Variants in SOS2 observed in about 807,000 individuals in gnomAD.
SOS2 encodes the protein SOS Ras/Rho guanine nucleotide exchange factor 2.
SOS2 carries 65 observed loss-of-function variants against 148.2 expected under a neutral mutation model. The observed-to-expected ratio is 0.44, with a 90% CI of 0.36 to 0.54. The LOEUF is 0.54. Ranked by LOEUF, SOS2 falls within the 20% of genes least tolerant of loss-of-function variation. The pLI is 0.00. For synonymous variants in SOS2, 539 were observed against 537.1 expected (o/e 1.00, Z -0.05); for missense variants, 1,341 against 1,590.2 (o/e 0.84, Z 2.67).
At chr14:50,219,253 T>C (rs1044374611) in intron 1 of SOS2, among the ~76,000 whole-genome samples, 1 of 152,204 alleles carries the variant, frequency 6.6e-6, no homozygotes, top group African/African-American at 2.4e-5. Context: ...TTTATTTGAA[T>C]AGCCAAGATC....
At chr14:50,212,010 A>G (rs1201487161) in intron 1 of SOS2, among the ~76,000 whole-genome samples, 1 of 152,224 alleles carries the variant, frequency 6.6e-6, no homozygotes, top group Non-Finnish European at 1.5e-5. Context: ...TAAAATGTGG[A>G]TGCACCCTGA....
intron 7 of SOS2, among the ~76,000 whole-genome samples, chr14:50,178,647 AGTGTGTGTGT>A (rs1291991897): frequency 2.2e-5 from 2 of 89,218 alleles, no homozygotes; most frequent in Non-Finnish European, 4.3e-5. Flanking sequence ...CATGCCCGCT[AGTGTGTGTGT>A]GTGTGTGTGT....
intron 1 of SOS2, among the ~76,000 whole-genome samples, chr14:50,227,590 T>G (rs1393907178): frequency 2.0e-5 from 3 of 151,978 alleles, no homozygotes; most frequent in East Asian, 1.9e-4. Context: ...ATTTTTTGGG[T>G]TTTTTTCTGT....
At position 50,126,973 on chromosome 14, in the gene SOS2, G is replaced by A. The variant is rs375942929; in HGVS notation, c.3379+2988C>T. The stretch of plus-strand genomic sequence containing the variant: ...GAAGCTGTAGATTATTAAGAATAAA[G>A]AGAATGCCTTAAAAGTTTCTTCAAC... On this transcript the variant is annotated intron_variant, in intron 21 of 22. Coordinates refer to ENST00000216373, the MANE Select transcript of SOS2 (RefSeq NM_006939.4). 1.3e-4 allele frequency among the ~76,000 whole-genome samples: 20 copies of A among 151,762 alleles called. No homozygotes were observed. The South Asian group carries it at 4.0e-3, about 30-fold the overall frequency.
chr14:50,200,802 A>T, intron 3 of SOS2, 151 bp downstream of exon 3: 1 of 593,444 alleles, frequency 1.7e-6, no homozygotes, highest in Non-Finnish European at 2.9e-6. Context: ...ATACATATTA[A>T]TATATGCGAT....
intron 8 of SOS2, among the ~76,000 whole-genome samples, chr14:50,173,549 G>A (rs1052762533): frequency 6.6e-6 from 1 of 152,088 alleles, no homozygotes; most frequent in Non-Finnish European, 1.5e-5. Context: ...AGCCTCCCAA[G>A]TAGCTGGGAC....
At chr14:50,193,001 T>G (rs537257333) in intron 4 of SOS2, among the ~76,000 whole-genome samples, 4 of 152,156 alleles carry the variant, frequency 2.6e-5, no homozygotes, top group Non-Finnish European at 5.9e-5. Flanking sequence ...TCTCACCTTT[T>G]TTTTGGTTTT....
intron 21 of SOS2, among the ~76,000 whole-genome samples, chr14:50,122,160 G>A (rs187772597): frequency 2.0e-5 from 3 of 152,220 alleles, no homozygotes; most frequent in Non-Finnish European, 4.4e-5. Flanking sequence ...TCAGACCAGT[G>A]AAATTTAAAA....
rs112000335 is a variant in SOS2, at chr14:50,224,293, G to GAAAAA, written c.87+6899_87+6903dup. 4.4e-3 allele frequency among the ~76,000 whole-genome samples: 384 copies of GAAAAA among 87,050 alleles called. 16 individuals are homozygous for GAAAAA. The highest frequency in any genetic ancestry group is 0.015 in the African/African-American group (224 of 15,058). The allele number at this position is 87,050 out of a possible 152,430, so 57.1% of individuals were successfully genotyped here. On this transcript the variant is annotated intron_variant, in intron 1 of 22. Transcript: ENST00000216373. ...GTGACAGAGCAAGACTCCGTCTCAG[G>GAAAAA]AAAAAAAAAAAATATATATATACAC...
chr14:50,197,181 T>A lies in SOS2; in HGVS notation c.510+2510A>T, dbSNP rs1271443119. Reference sequence around the variant, plus strand: ...AACATCTAAATAATGAAGTAACAGATTATGACCCATTGAATAAAATAACAA... The same window carrying A: ...AACATCTAAATAATGAAGTAACAGAATATGACCCATTGAATAAAATAACAA... On this transcript the variant is annotated intron_variant, in intron 4 of 22. Transcript: ENST00000216373. Among the ~76,000 whole-genome samples the A allele has an allele frequency of 3.3e-5, 5 of 152,142 alleles. No homozygotes were observed. In the South Asian group the frequency reaches 1.0e-3, roughly 31 times the overall value.
intron 1 of SOS2, among the ~76,000 whole-genome samples, chr14:50,224,883 C>A (rs565152971): frequency 1.3e-3 from 125 of 96,656 alleles, no homozygotes; most frequent in Admixed American, 1.7e-3. Context: ...AAAACCCTGT[C>A]AAAAAAAAAA....
chr14:50,182,389 C>T (rs1481355125), intron 6 of SOS2, 74 bp downstream of exon 6: 11 of 1,366,772 alleles, frequency 8.0e-6, no homozygotes, highest in Non-Finnish European at 1.1e-5. Flanking sequence ...ACTATGTTGC[C>T]AAGACTCATC....
intron 16 of SOS2, among the ~76,000 whole-genome samples, chr14:50,140,632 A>G (rs1884240447): frequency 6.6e-6 from 1 of 152,220 alleles, no homozygotes; most frequent in Admixed American, 6.5e-5. Context: ...ATTTCCTTTA[A>G]ATCAAGGAAA....
chr14:50,132,489 C>A (rs1354801515), intron 19 of SOS2, among the ~76,000 whole-genome samples: 1 of 151,262 alleles, frequency 6.6e-6, no homozygotes, highest in East Asian at 1.9e-4. Flanking sequence ...GGTGAAACCT[C>A]ATCTCTATTA....
At chr14:50,190,745 T>C (rs1224165518) in intron 4 of SOS2, among the ~76,000 whole-genome samples, 1 of 152,210 alleles carries the variant, frequency 6.6e-6, no homozygotes, top group Non-Finnish European at 1.5e-5. Context: ...CCTAATCTCA[T>C]GTTCTGTGAC....
rs1299925470 is a variant in SOS2, at chr14:50,174,473, T to C, written c.1049A>G (p.His350Arg). 1.2e-6 allele frequency: 2 copies of C among 1,602,818 alleles called. No individual in the cohort carries two copies. The highest frequency in any genetic ancestry group is 2.7e-5 in the African/African-American group (2 of 74,758). ...CCTTACCTTTAGTAACTCAAAGTAG[T>C]GCCAACAGTGATACACTGGCACCAG... ...LMLVPVYHCW[H>R]YFELLKQLKA... The change falls in exon 8 of 23, where the codon CAC (histidine) becomes CGC (arginine). Residue 350 changes from histidine to arginine, a missense_variant. By Grantham distance (29) the His-to-Arg change is conservative (BLOSUM62 0). This residue lies in a region of SOS2 where 574 missense variants were observed against 711.1 expected (regional missense o/e 0.81). Coordinates refer to ENST00000216373, the MANE Select transcript of SOS2 (RefSeq NM_006939.4).
At chr14:50,189,857 T>A (rs113613143) in intron 4 of SOS2, among the ~76,000 whole-genome samples, 15 of 143,166 alleles carry the variant, frequency 1.0e-4, no homozygotes, top group East Asian at 3.9e-4. Context: ...TTTATTTTTT[T>A]TTTTTTTGTG....
At chr14:50,152,706 G>A (rs1414904875) in intron 13 of SOS2, among the ~76,000 whole-genome samples, 1 of 152,154 alleles carries the variant, frequency 6.6e-6, no homozygotes, top group African/African-American at 2.4e-5. Flanking sequence ...TGTAATCCCA[G>A]CACTTTGGGA....
At position 50,118,649 on chromosome 14, in the gene SOS2, A is replaced by G. The variant is rs568713722; in HGVS notation, c.3694T>C (p.Phe1232Leu). 1.2e-6 allele frequency: 2 copies of G among 1,614,044 alleles called. No homozygotes were observed. Among genetic ancestry groups the G allele is most frequent in the Admixed American group, 1.7e-5 (1 of 60,008 alleles). ...CCCAGTGGAGGTGGCTGAAGATTAA[A>G]TGGACAGTTTATAAAGTGTTCTGGA... The part of the protein sequence containing the change: ...RPPEHFINCP[F>L]NLQPPPLGHL... The change falls in exon 23 of 23, where the codon TTT (phenylalanine) becomes CTT (leucine). Residue 1232 changes from phenylalanine to leucine, a missense_variant. Coordinates refer to ENST00000216373, the MANE Select transcript of SOS2 (RefSeq NM_006939.4).
Sources: allele counts gnomAD v4.1 joint callset (sites outside exome capture counted in the v4.1 genomes callset), GRCh38; gene constraint gnomAD v4.1.1; regional missense constraint gnomAD v4.1.1; transcripts MANE v1.5; gene names NCBI Gene and HGNC (gene_info 2026-07-23, HGNC 2026-07-21).